The following CNTN5 variants were observed in gnomAD, a reference collection of about 807,000 sequenced individuals.
CNTN5 encodes the protein contactin-5.
CNTN5 carries 77 observed loss-of-function variants against 129.1 expected under a neutral mutation model. That is an observed-to-expected ratio of 0.60 (90% CI 0.50 to 0.72). The LOEUF (loss-of-function observed/expected upper bound fraction) is 0.72. CNTN5 is among the 30% of genes least tolerant of loss of function. The pLI is 0.00. For missense variants in CNTN5, 1,478 were observed against 1,328.8 expected, an observed-to-expected ratio of 1.11 and a Z score of -1.75; for synonymous variants, 509 against 465.6, an observed-to-expected ratio of 1.09 and a Z score of -1.20.
At chr11:99,699,152 T>C (rs527900971) in intron 3 of CNTN5, among the ~76,000 whole-genome samples, 6 of 151,376 alleles carry the variant, frequency 4.0e-5, no homozygotes, top group Non-Finnish European at 7.4e-5. Context: ...GTTCATGTCG[T>C]GATGATTTTC....
At chr11:100,162,715 T>A (rs946998873) in intron 13 of CNTN5, among the ~76,000 whole-genome samples, 2 of 151,948 alleles carry the variant, frequency 1.3e-5, no homozygotes, top group Non-Finnish European at 2.9e-5. Flanking sequence ...ACTGAAGAGT[T>A]GAAACTTGAT....
At chr11:99,619,156 A>T (rs972249516) in intron 3 of CNTN5, among the ~76,000 whole-genome samples, 1 of 149,330 alleles carries the variant, frequency 6.7e-6, no homozygotes, top group African/African-American at 2.4e-5. Flanking sequence ...ACTCCATCAA[A>T]ATTCTTAAAA....
chr11:99,913,528 A>T (rs1477548298), intron 6 of CNTN5, among the ~76,000 whole-genome samples: 1 of 152,104 alleles, frequency 6.6e-6, no homozygotes, highest in African/African-American at 2.4e-5. Flanking sequence ...GGAAATAATG[A>T]CACAGAGACA....
At chr11:99,140,281 G>A (rs1413186000) in intron 1 of CNTN5, among the ~76,000 whole-genome samples, 1 of 151,854 alleles carries the variant, frequency 6.6e-6, no homozygotes, top group Admixed American at 6.6e-5. Flanking sequence ...TTGTATCTTG[G>A]GGGTTTGGTG....
intron 6 of CNTN5, among the ~76,000 whole-genome samples, chr11:99,910,996 T>G (rs1949644661): frequency 6.6e-6 from 1 of 152,064 alleles, no homozygotes; most frequent in Admixed American, 6.6e-5. Context: ...ACTTGTCCGT[T>G]GTTTTTACAG....
At chr11:100,297,229 T>C (rs1951116276) in intron 18 of CNTN5, among the ~76,000 whole-genome samples, 1 of 151,502 alleles carries the variant, frequency 6.6e-6, no homozygotes, top group African/African-American at 2.4e-5. Context: ...GCAGTAATGC[T>C]AATCTTGACC....
intron 6 of CNTN5, among the ~76,000 whole-genome samples, chr11:99,905,146 A>C (rs910506483): frequency 6.6e-6 from 1 of 152,172 alleles, no homozygotes; most frequent in African/African-American, 2.4e-5. Context: ...TAGTTTAATT[A>C]GATCTCATTT....
At chr11:99,685,369 G>A (rs1451182935) in intron 3 of CNTN5, among the ~76,000 whole-genome samples, 1 of 151,732 alleles carries the variant, frequency 6.6e-6, no homozygotes, top group Non-Finnish European at 1.5e-5. Flanking sequence ...TTTCATATAT[G>A]TCACTTAGGT....
At chr11:99,398,716 T>G (rs923648303) in intron 2 of CNTN5, among the ~76,000 whole-genome samples, 3 of 151,966 alleles carry the variant, frequency 2.0e-5, no homozygotes, top group African/African-American at 7.2e-5. Flanking sequence ...CAATATTCCA[T>G]TGTATGGATG....
intron 2 of CNTN5, among the ~76,000 whole-genome samples, chr11:99,373,807 C>A (rs1251606437): frequency 6.6e-6 from 1 of 150,452 alleles, no homozygotes; most frequent in East Asian, 2.0e-4. Context: ...ACAATTATTT[C>A]ATTAATATGT....
At chr11:99,485,574 T>G (rs1945780672) in intron 2 of CNTN5, among the ~76,000 whole-genome samples, 1 of 152,012 alleles carries the variant, frequency 6.6e-6, no homozygotes, top group Non-Finnish European at 1.5e-5. Context: ...TAATTAATTT[T>G]ACTGTGAACC....
chr11:100,214,740 A>C (rs1469414116), intron 15 of CNTN5, among the ~76,000 whole-genome samples: 1 of 152,208 alleles, frequency 6.6e-6, no homozygotes, highest in Non-Finnish European at 1.5e-5. Flanking sequence ...GGCTTTAGTT[A>C]ACAGCAGTAC....
chr11:99,672,996 C>T (rs1188950752), intron 3 of CNTN5, among the ~76,000 whole-genome samples: 1 of 152,072 alleles, frequency 6.6e-6, no homozygotes, highest in Non-Finnish European at 1.5e-5. Flanking sequence ...GACACATTCT[C>T]TTAGGTTAGG....
At chr11:99,857,661 T>C (rs1207571228) in intron 6 of CNTN5, among the ~76,000 whole-genome samples, 3 of 152,158 alleles carry the variant, frequency 2.0e-5, no homozygotes, top group Non-Finnish European at 1.5e-5. Flanking sequence ...ATACTATTGG[T>C]AATATCTTAC....
intron 4 of CNTN5, among the ~76,000 whole-genome samples, chr11:99,836,237 G>A (rs1376193412): frequency 1.3e-5 from 2 of 150,738 alleles, no homozygotes; most frequent in Non-Finnish European, 2.9e-5. Flanking sequence ...TTGGTGTGCT[G>A]CACCCATTAA....
intron 1 of CNTN5, among the ~76,000 whole-genome samples, chr11:99,127,381 A>T (rs1191331209): frequency 6.6e-6 from 1 of 152,118 alleles, no homozygotes; most frequent in Admixed American, 6.6e-5. Flanking sequence ...TTCAACTACA[A>T]CTATCAGTCT....
At chr11:99,947,844 A>G (rs1950586075) in intron 7 of CNTN5, among the ~76,000 whole-genome samples, 1 of 152,214 alleles carries the variant, frequency 6.6e-6, no homozygotes, top group African/African-American at 2.4e-5. Flanking sequence ...ACATGAAATT[A>G]AAAGAAGTTA....
intron 2 of CNTN5, among the ~76,000 whole-genome samples, chr11:99,542,539 C>T (rs1050147208): frequency 6.6e-6 from 1 of 152,082 alleles, no homozygotes; most frequent in Non-Finnish European, 1.5e-5. Flanking sequence ...ATGTCAAAAC[C>T]GCATTTACTT....
At chr11:99,036,919 T>G (rs1863763481) in intron 1 of CNTN5, among the ~76,000 whole-genome samples, 1 of 152,198 alleles carries the variant, frequency 6.6e-6, no homozygotes, top group Non-Finnish European at 1.5e-5. Context: ...CTTTACATAT[T>G]AACAGAAACA....
Sources: allele counts gnomAD v4.1 joint callset (sites outside exome capture counted in the v4.1 genomes callset), GRCh38; gene constraint gnomAD v4.1.1; transcripts MANE v1.5; gene names NCBI Gene and HGNC (gene_info 2026-07-23, HGNC 2026-07-21).